SLC12A3: variants seen among roughly 807,000 people sequenced by gnomAD.
SLC12A3 encodes solute carrier family 12 member 3, also known as Na-Cl cotransporter.
In SLC12A3, 104 loss-of-function variants were observed where a neutral mutation model predicts 121.0. That is an observed-to-expected ratio of 0.86 (90% CI 0.73 to 1.01). The LOEUF is 1.01. Among genes scored for constraint, SLC12A3 ranks in the 50% least tolerant of loss-of-function variants. SLC12A3 has a pLI of 0.00. For synonymous variants in SLC12A3, 536 were observed against 533.4 expected, an observed-to-expected ratio of 1.00 and a Z score of -0.07; for missense variants, 1,328 against 1,356.3, an observed-to-expected ratio of 0.98 and a Z score of 0.33.
At chr16:56,886,568 C>T (rs898600366) in intron 16 of SLC12A3, 93 bp downstream of exon 16, 59 of 1,178,668 alleles carry the variant, frequency 5.0e-5, no homozygotes, top group Non-Finnish European at 6.4e-5. Context: ...GTGGATCACC[C>T]GAGGTCAGGA....
chr16:56,877,968 A>C, intron 8 of SLC12A3, 109 bp from the exon 9 acceptor site: 1 of 691,952 alleles, frequency 1.4e-6, no homozygotes, highest in Non-Finnish European at 2.5e-6. Context: ...CCTCAGCCTT[A>C]GACAAGGAGG....
intron 25 of SLC12A3, among the ~76,000 whole-genome samples, chr16:56,907,302 A>G (rs2055620989): frequency 6.6e-6 from 1 of 152,064 alleles, no homozygotes; most frequent in South Asian, 2.1e-4. Flanking sequence ...CTAAAAATAC[A>G]AAAAAATTAG....
rs766549952 is a variant in SLC12A3 at position 56,894,539 on chromosome 16, C to G, written c.2530C>G (p.Leu844Val). The G allele has an allele frequency of 6.2e-7, 1 of 1,613,218 alleles. No individual in the cohort carries two copies. The highest frequency in any genetic ancestry group is 8.5e-7 in the Non-Finnish European group (1 of 1,179,484). Residue 844 changes from leucine to valine, a missense_variant, in exon 22 of 26, where the codon CTC becomes GTC. Leu to Val is a conservative substitution (Grantham distance 32). Transcript: ENST00000563236. ...YWLFDDGGLTLLIPYLLGRKR... is the reference protein window; with the variant it reads ...YWLFDDGGLTVLIPYLLGRKR... ...GGGACTCTCCTTGCCAGGCCTCACC[C>G]TCCTCATTCCCTATCTCCTTGGCCG...
In SLC12A3 at chr16:56,872,470, C is replaced by A; in HGVS notation, c.964+8C>A. On this transcript the variant is annotated splice_region_variant and intron_variant, in intron 7 of 25. Coordinates refer to ENST00000563236, the MANE Select transcript of SLC12A3 (RefSeq NM_001126108.2). ...GCTTCTTCAGCTACCGGGGTATGTG[C>A]TGATCAAGGCCCTGACCATGGCTCT... The A allele has an allele frequency of 6.2e-7, 1 of 1,608,612 alleles. No homozygotes were observed. Among genetic ancestry groups the A allele is most frequent in the Non-Finnish European group, 8.5e-7 (1 of 1,175,150 alleles).
intron 19 of SLC12A3, 114 bp downstream of exon 19, chr16:56,890,470 C>T (rs1003547269): frequency 1.2e-6 from 1 of 837,348 alleles, no homozygotes; most frequent in Non-Finnish European, 2.0e-6. Context: ...AGAAAGTCGC[C>T]TCTTAATGGT....
intron 12 of SLC12A3, 129 bp from the exon 13 acceptor site, chr16:56,882,267 T>G: frequency 2.6e-6 from 2 of 764,122 alleles, no homozygotes; most frequent in African/African-American, 1.7e-5. Flanking sequence ...ATTTCACAGA[T>G]GAGAAGGTTG....
At chr16:56,874,812 AC>A (rs549004611) in intron 8 of SLC12A3, among the ~76,000 whole-genome samples, 2 of 151,070 alleles carry the variant, frequency 1.3e-5, no homozygotes, top group Admixed American at 6.6e-5. Flanking sequence ...CTCAAACCTC[AC>A]CCCCCCGCAA....
At chr16:56,908,161 CTTTTTT>C (rs55644914) in intron 25 of SLC12A3, among the ~76,000 whole-genome samples, 2 of 96,970 alleles carry the variant, frequency 2.1e-5, no homozygotes, top group Admixed American at 1.2e-4. Flanking sequence ...AGTGATATAA[CTTTTTT>C]TTTTTTTTTT....
intron 8 of SLC12A3, among the ~76,000 whole-genome samples, chr16:56,875,918 G>C (rs1226440702): frequency 6.6e-6 from 1 of 151,760 alleles, no homozygotes; most frequent in African/African-American, 2.4e-5. Context: ...CTCAGCTCTA[G>C]ATGCAGGAGG....
At chr16:56,900,519 T>TTTTATTTATTTATTTATTTATTTATTTA (rs59010768) in intron 23 of SLC12A3, among the ~76,000 whole-genome samples, 6 of 148,548 alleles carry the variant, frequency 4.0e-5, no homozygotes, top group East Asian at 4.0e-4. Context: ...AGCATCTGAT[T>TTTTATTTATTTATTTATTTATTTATTTA]TTTATTTATT....
intron 6 of SLC12A3, 40 bp downstream of exon 6, chr16:56,870,776 C>T (rs774114455): frequency 7.9e-5 from 101 of 1,284,820 alleles, no homozygotes; most frequent in Non-Finnish European, 9.5e-5. Context: ...GAGGTGGTCA[C>T]GTGGAGAAGC....
chr16:56,895,931 T>C (rs75346962), intron 22 of SLC12A3, among the ~76,000 whole-genome samples: 1,779 of 152,080 alleles, frequency 0.012, 20 homozygotes, highest in Non-Finnish European at 0.018. Flanking sequence ...AGAGGGTTTG[T>C]GGCCCTCTAA....
In SLC12A3 at chr16:56,872,752, T is replaced by A. The variant is rs1283411228; in HGVS notation, c.1061T>A (p.Ile354Asn). ...ATCTTCTTCCCCTCGGCCACAGGCATCCTGGCAGGGGCCAACATATCTGGT... is the reference window on the plus strand; with the variant it reads ...ATCTTCTTCCCCTCGGCCACAGGCAACCTGGCAGGGGCCAACATATCTGGT... ...FSIFFPSATG[I>N]LAGANISGDL... is the part of the protein sequence containing the mutation. The change falls in exon 8 of 26, where the codon ATC becomes AAC. Residue 354 changes from isoleucine to asparagine, a missense_variant. Coordinates refer to ENST00000563236, the MANE Select transcript of SLC12A3 (RefSeq NM_001126108.2). The A allele has an allele frequency of 6.2e-7, 1 of 1,614,254 alleles. No individual in the cohort carries two copies. The highest frequency in any genetic ancestry group is 8.5e-7 in the Non-Finnish European group (1 of 1,180,042).
At chr16:56,900,171 C>T (rs1011531134) in intron 23 of SLC12A3, among the ~76,000 whole-genome samples, 1 of 152,082 alleles carries the variant, frequency 6.6e-6, no homozygotes, top group East Asian at 1.9e-4. Flanking sequence ...GTAAGGATGT[C>T]CCCCATCTGG....
Position 56,884,208 on chromosome 16 carries a change from C to T in SLC12A3, c.1825+4C>T, listed in dbSNP as rs375630796. On this transcript the variant is annotated splice_donor_region_variant and intron_variant, in intron 14 of 25. Coordinates refer to ENST00000563236, the MANE Select transcript of SLC12A3 (RefSeq NM_001126108.2). Reference sequence around the variant, plus strand: ...TATGTCATCTACAAGAAGCCAGGTGCGCATCTCAGCTGCGGGGCCTCGGCC... The same window carrying T: ...TATGTCATCTACAAGAAGCCAGGTGTGCATCTCAGCTGCGGGGCCTCGGCC... 43 of 1,613,962 alleles carry T rather than the reference C, an allele frequency of 2.7e-5. No homozygotes were observed. Among genetic ancestry groups the T allele is most frequent in the African/African-American group, 6.7e-5 (5 of 75,058 alleles).
intron 20 of SLC12A3, among the ~76,000 whole-genome samples, chr16:56,892,746 C>G (rs1246950346): frequency 6.6e-6 from 1 of 152,110 alleles, no homozygotes; most frequent in African/African-American, 2.4e-5. Context: ...TGCCCCCACC[C>G]CCAGTACTCA....
rs1255932356 is a variant in SLC12A3 at position 56,869,836 on chromosome 16, C to T, written c.601+12C>T. On this transcript the variant is annotated intron_variant, in intron 4 of 25. Transcript: ENST00000563236. ...CAAGGTCAAGTCAGGTGGGCCATCC[C>T]CCTTTCCACCAAGGCCCTCCTCTCG... 1.9e-6 allele frequency: 3 copies of T among 1,610,502 alleles called. No individual in the cohort carries two copies. Among genetic ancestry groups the T allele is most frequent in the Non-Finnish European group, 2.5e-6 (3 of 1,176,818 alleles).
At chr16:56,897,925 CT>C in intron 22 of SLC12A3, among the ~76,000 whole-genome samples, 1 of 152,374 alleles carries the variant, frequency 6.6e-6, no homozygotes, top group African/African-American at 2.4e-5. Context: ...CAAAATTTCA[CT>C]CCCCAAGATC....
chr16:56,880,325 G>C lies in SLC12A3; in HGVS notation c.1567+72G>C, dbSNP rs565140670. ...GCCGGCCATGAGGGTCTTGGGGGCC[G>C]GGCTCTTCTCCTGTCTCCTCATCTC... On this transcript the variant is annotated intron_variant, in intron 12 of 25. Coordinates refer to ENST00000563236, the MANE Select transcript of SLC12A3 (RefSeq NM_001126108.2). 43 of 1,519,456 alleles carry C rather than the reference G, an allele frequency of 2.8e-5. No homozygotes were observed. The South Asian group carries it at 4.8e-4, about 17-fold the overall frequency. The allele number at this position is 1,519,456 out of a possible 1,614,324, so 94.1% of individuals were successfully genotyped here.
Sources: gnomAD v4.1 joint callset for allele counts (sites outside exome capture counted in the v4.1 genomes callset) on GRCh38, gnomAD v4.1.1 for gene constraint, MANE v1.5 for transcripts, NCBI Gene and HGNC (gene_info 2026-07-23, HGNC 2026-07-21) for gene names.